Variants in FRYL observed in about 807,000 individuals in gnomAD.
FRYL encodes protein furry homolog-like.
In FRYL, 150 loss-of-function variants were observed where a neutral mutation model predicts 351.2. The ratio of observed to expected loss-of-function variants is 0.43; its 90% CI spans 0.37 to 0.49. The LOEUF (loss-of-function observed/expected upper bound fraction) is 0.49, where lower values mean the gene tolerates loss of function less well. Ranked by LOEUF, FRYL falls within the 20% of genes least tolerant of loss-of-function variation. The pLI is 0.00. For synonymous variants in FRYL, 1,153 were observed against 1,257.1 expected (o/e 0.92, Z 1.75); for missense variants, 3,036 against 3,619.3 (o/e 0.84, Z 4.13).
chr4:48,526,103 G>T (rs547961389), intron 53 of FRYL, among the ~76,000 whole-genome samples: 110 of 151,684 alleles, frequency 7.3e-4, no homozygotes, highest in Non-Finnish European at 1.4e-3. Context: ...ATATGTGTAT[G>T]TATATGAGCT....
rs1374427936 is a variant in FRYL at position 48,564,909 on chromosome 4, C to T, written c.3441+24G>A. The T allele has an allele frequency of 3.1e-6, 4 of 1,270,934 alleles. No individual in the cohort carries two copies. The Admixed American group carries it at 7.1e-5, about 22-fold the overall frequency. 78.7% of individuals were successfully genotyped at this position (1,270,934 alleles called of 1,614,324 possible). A position where few individuals can be genotyped will look rare whatever the true frequency, so the allele number is the denominator to read the frequency against. ...AATACAATGACAACTTATTATGAAC[C>T]TTTAAGGAAATTGTCATAATTACCT... On this transcript the variant is annotated intron_variant, in intron 30 of 63. Transcript: ENST00000358350.
At chr4:48,736,145 G>T (rs1476326872) in intron 1 of FRYL, among the ~76,000 whole-genome samples, 4 of 152,008 alleles carry the variant, frequency 2.6e-5, no homozygotes, top group African/African-American at 9.7e-5. Context: ...AATCTCAAGA[G>T]AATTTTTTAA....
At chr4:48,656,047 A>C (rs1758856026) in intron 3 of FRYL, among the ~76,000 whole-genome samples, 1 of 137,506 alleles carries the variant, frequency 7.3e-6, no homozygotes, top group East Asian at 2.1e-4. Context: ...ATAATATGTA[A>C]TGTACATATA....
At chr4:48,764,257 C>T (rs1774716052) in intron 1 of FRYL, among the ~76,000 whole-genome samples, 2 of 152,006 alleles carry the variant, frequency 1.3e-5, no homozygotes, top group East Asian at 3.9e-4. Context: ...AGCCAGGCAC[C>T]GTGGCTCACA....
In FRYL at chr4:48,551,879, C is replaced by T. The variant is rs528453628; in HGVS notation, c.4436-301G>A. Among the ~76,000 whole-genome samples, 73 of 152,222 alleles carry T rather than the reference C, an allele frequency of 4.8e-4. 1 individual carries two copies. The South Asian group carries it at 0.014, about 29-fold the overall frequency. The stretch of plus-strand genomic sequence containing the variant: ...TTGCTGAACTTCCAAAAGGTAGCAT[C>T]GAGAACCTCTGGAAACAGGGGTTGA... On this transcript the variant is annotated intron_variant, in intron 36 of 63. Coordinates refer to ENST00000358350, the MANE Select transcript of FRYL (RefSeq NM_015030.2).
intron 3 of FRYL, among the ~76,000 whole-genome samples, chr4:48,643,157 C>T (rs1476077810): frequency 6.6e-6 from 1 of 152,190 alleles, no homozygotes. Flanking sequence ...TGCAGGACCT[C>T]ATCCAGCAAA....
At chr4:48,663,708 G>A (rs1761223378) in intron 3 of FRYL, among the ~76,000 whole-genome samples, 1 of 137,824 alleles carries the variant, frequency 7.3e-6, no homozygotes, top group Admixed American at 7.8e-5. Context: ...CCGGGAGGCG[G>A]AGCTTGCAGT....
chr4:48,682,495 A>G (rs1296085192), intron 3 of FRYL, among the ~76,000 whole-genome samples: 1 of 152,224 alleles, frequency 6.6e-6, no homozygotes, highest in East Asian at 1.9e-4. Flanking sequence ...ACAGAATGGG[A>G]GAAAATTTTC....
intron 4 of FRYL, among the ~76,000 whole-genome samples, chr4:48,632,593 A>T (rs1387743885): frequency 6.6e-6 from 1 of 151,126 alleles, no homozygotes; most frequent in Non-Finnish European, 1.5e-5. Flanking sequence ...ATTATACAAT[A>T]TACACAAAAA....
At chr4:48,562,114 T>G (rs1248932950) in intron 32 of FRYL, among the ~76,000 whole-genome samples, 1 of 152,118 alleles carries the variant, frequency 6.6e-6, no homozygotes, top group African/African-American at 2.4e-5. Context: ...TAACACAGTC[T>G]GAAAATAACT....
At chr4:48,660,360 T>G (rs1258262333) in intron 3 of FRYL, among the ~76,000 whole-genome samples, 1 of 152,216 alleles carries the variant, frequency 6.6e-6, no homozygotes, top group Non-Finnish European at 1.5e-5. Flanking sequence ...GGCCCTTGGC[T>G]GGCATCTGAG....
intron 1 of FRYL, among the ~76,000 whole-genome samples, chr4:48,731,933 C>A (rs952167323): frequency 6.6e-6 from 1 of 152,126 alleles, no homozygotes; most frequent in Non-Finnish European, 1.5e-5. Context: ...CAAATGGGAT[C>A]TAATCAAACT....
intron 7 of FRYL, among the ~76,000 whole-genome samples, chr4:48,617,033 C>T (rs1185719004): frequency 5.3e-5 from 8 of 151,878 alleles, no homozygotes; most frequent in Non-Finnish European, 7.4e-5. Flanking sequence ...CTTTTACCAG[C>T]GGGAATAATC....
chr4:48,513,416 C>T (rs1339552131), intron 56 of FRYL, among the ~76,000 whole-genome samples: 6 of 151,718 alleles, frequency 4.0e-5, no homozygotes, highest in Non-Finnish European at 7.4e-5. Flanking sequence ...ATTTATAATC[C>T]CTAAAGTCAG....
chr4:48,566,876 T>C (rs1381446576), intron 28 of FRYL, among the ~76,000 whole-genome samples: 2 of 152,232 alleles, frequency 1.3e-5, no homozygotes, highest in Non-Finnish European at 2.9e-5. Flanking sequence ...ATTTTGTATT[T>C]ATGGCCTATA....
At chr4:48,654,298 CAAAAAA>C (rs34418324) in intron 3 of FRYL, among the ~76,000 whole-genome samples, 4 of 123,648 alleles carry the variant, frequency 3.2e-5, no homozygotes, top group Admixed American at 1.5e-4. Flanking sequence ...AATAGCTGAT[CAAAAAA>C]AAAAAAAAAA....
At chr4:48,598,930 T>C in intron 13 of FRYL, 1 of 726,968 alleles carries the variant, frequency 1.4e-6, no homozygotes, top group Non-Finnish European at 1.7e-6. Flanking sequence ...ACATGCATGT[T>C]AGATGAAAAT....
intron 3 of FRYL, among the ~76,000 whole-genome samples, chr4:48,658,121 G>A (rs1264969352): frequency 1.3e-5 from 2 of 149,924 alleles, no homozygotes; most frequent in Non-Finnish European, 3.0e-5. Context: ...TGAATAAAAT[G>A]TTACTTAATA....
chr4:48,535,590 C>T, intron 48 of FRYL, 67 bp downstream of exon 48: 3 of 784,094 alleles, frequency 3.8e-6, no homozygotes, highest in Non-Finnish European at 5.6e-6. Flanking sequence ...TACACATACA[C>T]ACACACACAC....
Sources: allele counts gnomAD v4.1 joint callset (sites outside exome capture counted in the v4.1 genomes callset), GRCh38; gene constraint gnomAD v4.1.1; transcripts MANE v1.5; gene names NCBI Gene and HGNC (gene_info 2026-07-23, HGNC 2026-07-21).